Variants in PITPNC1 observed in about 807,000 individuals in gnomAD.
PITPNC1 encodes cytoplasmic phosphatidylinositol transfer protein 1.
A neutral mutation model predicts 44.7 loss-of-function variants in PITPNC1; 18 were observed. The observed-to-expected ratio is 0.40, with a 90% CI of 0.28 to 0.60. The LOEUF (loss-of-function observed/expected upper bound fraction) is 0.60, where lower values mean the gene tolerates loss of function less well. Ranked by LOEUF, PITPNC1 falls within the 20% of genes least tolerant of loss-of-function variation. The pLI, the probability that PITPNC1 is intolerant of heterozygous loss-of-function variation, is 0.39. For missense variants in PITPNC1, 290 were observed against 418.4 expected, an observed-to-expected ratio of 0.69 and a Z score of 2.68; for synonymous variants, 141 against 149.6, an observed-to-expected ratio of 0.94 and a Z score of 0.42.
At chr17:67,417,700 C>A (rs2038608525) in intron 1 of PITPNC1, among the ~76,000 whole-genome samples, 1 of 152,168 alleles carries the variant, frequency 6.6e-6, no homozygotes, top group Non-Finnish European at 1.5e-5. Context: ...ACCTTTGCAG[C>A]TGGCACCATT....
chr17:67,402,121 C>T (rs888551139), intron 1 of PITPNC1, among the ~76,000 whole-genome samples: 7 of 152,152 alleles, frequency 4.6e-5, no homozygotes, highest in Admixed American at 3.9e-4. Context: ...ACTCTGACCT[C>T]GTAACATGAA....
At chr17:67,641,550 A>T (rs1288766377) in intron 6 of PITPNC1, among the ~76,000 whole-genome samples, 1 of 152,096 alleles carries the variant, frequency 6.6e-6, no homozygotes, top group Admixed American at 6.5e-5. Flanking sequence ...TAATCCCAGC[A>T]CTTTGGGAGG....
At chr17:67,482,966 C>T (rs147517539) in intron 1 of PITPNC1, among the ~76,000 whole-genome samples, 3 of 151,592 alleles carry the variant, frequency 2.0e-5, no homozygotes, top group Admixed American at 1.3e-4. Context: ...TCTGCCCTGC[C>T]GCCCTGTACC....
At chr17:67,410,522 C>T (rs2038479353) in intron 1 of PITPNC1, among the ~76,000 whole-genome samples, 1 of 151,884 alleles carries the variant, frequency 6.6e-6, no homozygotes, top group South Asian at 2.1e-4. Context: ...TAGCTGGGAC[C>T]ACGGGTGTGC....
intron 1 of PITPNC1, among the ~76,000 whole-genome samples, chr17:67,433,361 GGA>G (rs1193973851): frequency 6.6e-6 from 1 of 152,196 alleles, no homozygotes; most frequent in African/African-American, 2.4e-5. Flanking sequence ...ACCGGAGTCT[GGA>G]GAGTCTGCTG....
intron 5 of PITPNC1, among the ~76,000 whole-genome samples, chr17:67,591,496 A>T (rs1486100224): frequency 3.3e-5 from 5 of 152,172 alleles, no homozygotes; most frequent in Non-Finnish European, 5.9e-5. Flanking sequence ...TATTCTTAGG[A>T]AATTCACCCT....
At chr17:67,526,428 G>T (rs1385290162) in intron 1 of PITPNC1, among the ~76,000 whole-genome samples, 1 of 152,146 alleles carries the variant, frequency 6.6e-6, no homozygotes, top group Non-Finnish European at 1.5e-5. Context: ...TTAATTCAAG[G>T]TTCAAGATTA....
chr17:67,408,948 T>C (rs2038447859), intron 1 of PITPNC1: 1 of 152,058 alleles, frequency 6.6e-6, no homozygotes, highest in Admixed American at 6.6e-5. Context: ...GAATGCAAGG[T>C]CACAAAGATT....
chr17:67,683,246 T>C (rs2042747155), intron 8 of PITPNC1, among the ~76,000 whole-genome samples: 1 of 151,848 alleles, frequency 6.6e-6, no homozygotes, highest in Non-Finnish European at 1.5e-5. Context: ...CCTAAATTGT[T>C]TGAAGTCACT....
chr17:67,416,784 C>G (rs956760114), intron 1 of PITPNC1, among the ~76,000 whole-genome samples: 1 of 152,142 alleles, frequency 6.6e-6, no homozygotes, highest in Non-Finnish European at 1.5e-5. Flanking sequence ...AAAGGAAATG[C>G]TCACAACATT....
intron 6 of PITPNC1, among the ~76,000 whole-genome samples, chr17:67,634,542 A>C (rs554524999): frequency 7.9e-5 from 12 of 152,284 alleles, no homozygotes; most frequent in African/African-American, 2.9e-4. Flanking sequence ...TCAAAAAAAA[A>C]CAGCAATGAG....
At position 67,642,416 on chromosome 17, in the gene PITPNC1, A is replaced by G. The variant is rs2042101910; in HGVS notation, c.462+10178A>G. Among the ~76,000 whole-genome samples, 4 of 152,220 alleles carry G rather than the reference A, an allele frequency of 2.6e-5. No individual in the cohort carries two copies. The South Asian group carries it at 8.3e-4, about 32-fold the overall frequency. On this transcript the variant is annotated intron_variant, in intron 6 of 8. Coordinates refer to ENST00000581322, the MANE Select transcript of PITPNC1 (RefSeq NM_012417.4). Reference sequence around the variant, plus strand: ...GTGCCCAGAGGTTTAGGACCCTTCAAATCCATCAACCTACATCCTTCCCTC... The same window carrying G: ...GTGCCCAGAGGTTTAGGACCCTTCAGATCCATCAACCTACATCCTTCCCTC...
intron 1 of PITPNC1, among the ~76,000 whole-genome samples, chr17:67,380,609 A>C (rs988529771): frequency 6.6e-6 from 1 of 152,156 alleles, no homozygotes; most frequent in Non-Finnish European, 1.5e-5. Flanking sequence ...TGGATGAAGA[A>C]ATGAGGCCTA....
chr17:67,467,350 C>T (rs1254468738), intron 1 of PITPNC1, among the ~76,000 whole-genome samples: 1 of 152,080 alleles, frequency 6.6e-6, no homozygotes, highest in African/African-American at 2.4e-5. Context: ...CACTGTGCCC[C>T]GCTGGAGACT....
At position 67,578,218 on chromosome 17, in the gene PITPNC1, A is replaced by G; in HGVS notation, c.327A>G (p.Ile109Met). The G allele has an allele frequency of 2.5e-6, 4 of 1,613,088 alleles. No homozygotes were observed. Among genetic ancestry groups the G allele is most frequent in the Non-Finnish European group, 3.4e-6 (4 of 1,179,240 alleles). ...CSFLPKFSIH[I>M]ETKYEDNKGS... is the part of the protein sequence containing the mutation. ...TTCTGCCGAAATTCTCCATTCATAT[A>G]GAAACCAAGTATGAGGACAACAAAG... Residue 109 changes from isoleucine to methionine, a missense_variant, in exon 5 of 9, where the codon ATA becomes ATG. By Grantham distance (10) the Ile-to-Met change is conservative (BLOSUM62 1). Transcript: ENST00000581322.
intron 2 of PITPNC1, among the ~76,000 whole-genome samples, 156 bp from the exon 3 acceptor site, chr17:67,552,101 A>G (rs933584183): frequency 6.6e-6 from 1 of 152,222 alleles, no homozygotes; most frequent in Non-Finnish European, 1.5e-5. Flanking sequence ...AAAGTTAACT[A>G]TGACAAAGAC....
chr17:67,474,454 C>T (rs558519085), intron 1 of PITPNC1, among the ~76,000 whole-genome samples: 2 of 152,178 alleles, frequency 1.3e-5, no homozygotes, highest in East Asian at 1.9e-4. Context: ...TTGTGGGAGC[C>T]GTCTTGTGCA....
chr17:67,451,998 G>T (rs2039185176), intron 1 of PITPNC1, among the ~76,000 whole-genome samples: 1 of 151,500 alleles, frequency 6.6e-6, no homozygotes, highest in African/African-American at 2.4e-5. Context: ...GAATGCATCA[G>T]TGGTTGGGTT....
At position 67,676,925 on chromosome 17, in the gene PITPNC1, T is replaced by C. The variant is rs1486657072; in HGVS notation, c.682+1383T>C. ...GGTTTGTCCAAATGCAGATCATTTA[T>C]GCTCTCTTATCACACACCCACAGAA... On this transcript the variant is annotated intron_variant, in intron 8 of 8. Coordinates refer to ENST00000581322, the MANE Select transcript of PITPNC1 (RefSeq NM_012417.4). This position sits in a 1 kb window ranked among gnomAD's most constrained non-coding sequence, Gnocchi z 4.0. Among the ~76,000 whole-genome samples the C allele has an allele frequency of 2.6e-5, 4 of 152,130 alleles. No homozygotes were observed. The highest frequency in any genetic ancestry group is 2.0e-4 in the Admixed American group (3 of 15,256).
Sources: gnomAD v4.1 joint callset for allele counts (sites outside exome capture counted in the v4.1 genomes callset) on GRCh38, gnomAD v4.1.1 for gene constraint, Gnocchi (gnomAD v3.1) non-coding constraint, MANE v1.5 for transcripts, NCBI Gene and HGNC (gene_info 2026-07-23, HGNC 2026-07-21) for gene names.